The following NCOR1 variants were observed in gnomAD, a reference collection of about 807,000 sequenced individuals.
NCOR1 encodes nuclear receptor corepressor 1.
A neutral mutation model predicts 288.1 loss-of-function variants in NCOR1; 63 were observed. The observed-to-expected ratio is 0.22, with a 90% CI of 0.18 to 0.27. The LOEUF is 0.27. Among genes scored for constraint, NCOR1 ranks in the 10% least tolerant of loss-of-function variants. The pLI is 1.00. For synonymous variants in NCOR1, 1,007 were observed against 1,065.9 expected (o/e 0.94, Z 1.08); for missense variants, 2,397 against 3,019.2 (o/e 0.79, Z 4.83).
chr17:16,141,182 G>A (rs1413767000), intron 11 of NCOR1, among the ~76,000 whole-genome samples: 2 of 152,118 alleles, frequency 1.3e-5, no homozygotes, highest in Non-Finnish European at 2.9e-5. Context: ...ACTCAAAGGT[G>A]TCTCTAGAAA....
At chr17:16,046,242 C>T (rs185812953) in intron 42 of NCOR1, among the ~76,000 whole-genome samples, 2 of 152,252 alleles carry the variant, frequency 1.3e-5, no homozygotes, top group African/African-American at 4.8e-5. Flanking sequence ...ATACTTGGAG[C>T]TAGTTACTGT....
rs1001306871 is a variant in NCOR1, at chr17:16,158,708, C to T, written c.732+52G>A. On this transcript the variant is annotated intron_variant, in intron 6 of 45. Transcript: ENST00000268712. The stretch of plus-strand genomic sequence containing the variant: ...AGGATACATTCAAAACTGAAAAGGG[C>T]ATCGTCAAGTGGGGTTAAAGGCCTG... The T allele has an allele frequency of 4.7e-6, 5 of 1,059,908 alleles. No homozygotes were observed. The African/African-American group carries it at 7.9e-5, about 17-fold the overall frequency. 65.7% of individuals were successfully genotyped at this position (1,059,908 alleles called of 1,614,324 possible).
intron 10 of NCOR1, among the ~76,000 whole-genome samples, chr17:16,144,255 A>C (rs1174531084): frequency 6.6e-6 from 1 of 152,240 alleles, no homozygotes; most frequent in African/African-American, 2.4e-5. Context: ...GTTGGTAACG[A>C]AGGACTAAAG....
At chr17:16,133,452 T>C (rs1374037531) in intron 14 of NCOR1, among the ~76,000 whole-genome samples, 1 of 152,242 alleles carries the variant, frequency 6.6e-6, no homozygotes, top group African/African-American at 2.4e-5. Flanking sequence ...TAAACCCTCC[T>C]GACTAGAGCT....
At chr17:16,151,200 ATTT>A (rs573897858) in intron 8 of NCOR1, among the ~76,000 whole-genome samples, 5 of 145,530 alleles carry the variant, frequency 3.4e-5, no homozygotes, top group Admixed American at 2.0e-4. Flanking sequence ...TTAAAGTATA[ATTT>A]TTTTTTTAAA....
intron 40 of NCOR1, among the ~76,000 whole-genome samples, chr17:16,051,999 A>C (rs916607286): frequency 7.9e-5 from 12 of 152,102 alleles, no homozygotes; most frequent in African/African-American, 2.9e-4. Context: ...AGATCAACAA[A>C]TTCAGGATCT....
At chr17:16,179,957 C>CAAAAAA (rs34531259) in intron 3 of NCOR1, among the ~76,000 whole-genome samples, 54 of 75,522 alleles carry the variant, frequency 7.2e-4, no homozygotes, top group African/African-American at 1.7e-3. Flanking sequence ...GACTCTGTCT[C>CAAAAAA]AAAAAAAAAA....
intron 19 of NCOR1, chr17:16,108,214 T>C (rs1250585660): frequency 3.8e-6 from 1 of 266,058 alleles, no homozygotes; most frequent in Non-Finnish European, 7.7e-6. Context: ...GAAACTTTAA[T>C]CAGAGTGTAA....
intron 1 of NCOR1, among the ~76,000 whole-genome samples, chr17:16,214,747 T>C (rs1205019105): frequency 6.6e-6 from 1 of 152,156 alleles, no homozygotes; most frequent in Non-Finnish European, 1.5e-5. Context: ...CTCAAATTCC[T>C]CTCTCCCCAA....
In NCOR1 at chr17:16,215,489, C is replaced by G; in HGVS notation, c.-198G>C. On this transcript the variant is annotated 5_prime_UTR_variant, in exon 1 of 46. Coordinates refer to ENST00000268712, the MANE Select transcript of NCOR1 (RefSeq NM_006311.4). ...GTCGGACGCTCACTCCAGCCGCCGC[C>G]GCCGCCGCGGCTGCTGCTTCGCCAC... The G allele has an allele frequency of 2.5e-6, 1 of 398,846 alleles. No individual in the cohort carries two copies. Among genetic ancestry groups the G allele is most frequent in the Non-Finnish European group, 4.4e-6 (1 of 226,364 alleles). The allele number at this position is 398,846 out of a possible 1,614,324, so 24.7% of individuals were successfully genotyped here. A position where few individuals can be genotyped will look rare whatever the true frequency, so the allele number is the denominator to read the frequency against.
rs115120545 is a variant in NCOR1 at position 16,111,258 on chromosome 17, A to G, written c.2056-2346T>C. On this transcript the variant is annotated intron_variant, in intron 18 of 45. Coordinates refer to ENST00000268712, the MANE Select transcript of NCOR1 (RefSeq NM_006311.4). ...AGCATTTTCTTCAATATATGATAGT[A>G]TTCACTAATTCTTAATGTAAAGTCA... Among the ~76,000 whole-genome samples the G allele has an allele frequency of 4.1e-3, 629 of 152,320 alleles. 7 individuals carry two copies. The highest frequency in any genetic ancestry group is 0.015 in the African/African-American group (607 of 41,566).
At chr17:16,150,704 GA>G (rs555399256) in intron 8 of NCOR1, among the ~76,000 whole-genome samples, 2,059 of 136,670 alleles carry the variant, frequency 0.015, 32 homozygotes, top group African/African-American at 0.044. Context: ...GGCTTTGTGG[GA>G]AAAAAAAAAA....
In NCOR1 at chr17:16,072,002, G is replaced by C; in HGVS notation, c.3895+143C>G. ...ATCTTCCAATAAATTATGTAGCTCA[G>C]AGGCAGAAAAGTAATAACCAAGACT... On this transcript the variant is annotated intron_variant, in intron 29 of 45. Transcript: ENST00000268712. 6.2e-6 allele frequency: 4 copies of C among 640,094 alleles called. No homozygotes were observed. In the South Asian group the frequency reaches 1.1e-4, roughly 17 times the overall value. The allele number at this position is 640,094 out of a possible 1,614,324, so 39.7% of individuals were successfully genotyped here.
intron 2 of NCOR1, among the ~76,000 whole-genome samples, chr17:16,187,629 T>C (rs1239321743): frequency 6.6e-6 from 1 of 150,760 alleles, no homozygotes; most frequent in Non-Finnish European, 1.5e-5. Flanking sequence ...CCAGGCTGGG[T>C]GCTATGGCTC....
intron 18 of NCOR1, among the ~76,000 whole-genome samples, chr17:16,115,183 G>A (rs1231733851): frequency 6.6e-6 from 1 of 152,164 alleles, no homozygotes; most frequent in Non-Finnish European, 1.5e-5. Flanking sequence ...TTTCAGCCAT[G>A]GCCAGAGCTG....
At chr17:16,199,795 CA>C (rs2090511019) in intron 1 of NCOR1, among the ~76,000 whole-genome samples, 1 of 152,126 alleles carries the variant, frequency 6.6e-6, no homozygotes, top group South Asian at 2.1e-4. Flanking sequence ...ATTTTATAAG[CA>C]ACTTCCTCAT....
At chr17:16,081,314 G>GT (rs2063374781) in intron 23 of NCOR1, among the ~76,000 whole-genome samples, 1 of 144,624 alleles carries the variant, frequency 6.9e-6, no homozygotes, top group South Asian at 2.1e-4. Flanking sequence ...CTCAAGCAAT[G>GT]TAAGAATCGA....
rs373251783 is a variant in NCOR1 at position 16,086,479 on chromosome 17, C to T, written c.3017-37G>A. 10 of 1,565,320 alleles carry T rather than the reference C, an allele frequency of 6.4e-6. No individual in the cohort carries two copies. The African/African-American group carries it at 1.2e-4, about 19-fold the overall frequency. On this transcript the variant is annotated intron_variant, in intron 22 of 45. Coordinates refer to ENST00000268712, the MANE Select transcript of NCOR1 (RefSeq NM_006311.4). The stretch of plus-strand genomic sequence containing the variant: ...AAAGAAAAATGATTTTAAACTAGTC[C>T]ATTTCCTAGTTTACAACATGTTACC...
At chr17:16,079,265 A>G (rs2063013085) in intron 26 of NCOR1, among the ~76,000 whole-genome samples, 1 of 152,198 alleles carries the variant, frequency 6.6e-6, no homozygotes, top group Non-Finnish European at 1.5e-5. Context: ...TCATACTTTG[A>G]GAACAACTGT....
Sources: allele counts gnomAD v4.1 joint callset (sites outside exome capture counted in the v4.1 genomes callset), GRCh38; gene constraint gnomAD v4.1.1; transcripts MANE v1.5; gene names NCBI Gene and HGNC (gene_info 2026-07-23, HGNC 2026-07-21).